SMAD2: variants seen among roughly 807,000 people sequenced by gnomAD.
SMAD2 encodes MAD homolog 2.
In SMAD2, 8 loss-of-function variants were observed where a neutral mutation model predicts 64.4. That is an observed-to-expected ratio of 0.12 (90% confidence interval 0.07 to 0.22). The LOEUF is 0.22. SMAD2 is among the 10% of genes least tolerant of loss of function. The probability of loss-of-function intolerance (pLI) is 1.00; values close to 1 mark genes in which losing one functional copy is unlikely to be tolerated. For missense variants in SMAD2, 289 were observed against 561.2 expected (o/e 0.51, Z 4.90); for synonymous variants, 203 against 195.8 (o/e 1.04, Z -0.31).
intron 1 of SMAD2, among the ~76,000 whole-genome samples, chr18:47,920,668 T>A (rs778959156): frequency 2.0e-5 from 3 of 152,260 alleles, no homozygotes; most frequent in Non-Finnish European, 2.9e-5. Context: ...TGTGCATGTG[T>A]TATTCGAAAA....
chr18:47,907,921 G>C (rs984390520), intron 1 of SMAD2, among the ~76,000 whole-genome samples: 1 of 152,210 alleles, frequency 6.6e-6, no homozygotes, highest in African/African-American at 2.4e-5. Context: ...CTGGGCGAGA[G>C]AGTGAGACTC....
chr18:47,911,491 C>A (rs995042747), intron 1 of SMAD2, among the ~76,000 whole-genome samples: 2 of 152,178 alleles, frequency 1.3e-5, no homozygotes, highest in African/African-American at 4.8e-5. Flanking sequence ...AGAGGCAACA[C>A]AGCATGCCAA....
At chr18:47,878,607 T>A (rs2032404295) in intron 2 of SMAD2, 1 of 152,088 alleles carries the variant, frequency 6.6e-6, no homozygotes, top group South Asian at 2.1e-4. Flanking sequence ...CCAGCCTGGG[T>A]AACCGTGAGA....
In SMAD2 at chr18:47,930,636, G is replaced by C. The variant is rs2034977641; in HGVS notation, c.-329C>G. Reference sequence around the variant, plus strand: ...AGGGAGCCTGGCCGCCGCCCGCGGGGAAGGAGGGGGTGAGGACGCGCGCGC... The same window carrying C: ...AGGGAGCCTGGCCGCCGCCCGCGGGCAAGGAGGGGGTGAGGACGCGCGCGC... On this transcript the variant is annotated 5_prime_UTR_variant, in exon 1 of 11. Coordinates refer to ENST00000262160, the MANE Select transcript of SMAD2 (RefSeq NM_005901.6). The C allele has an allele frequency of 6.7e-6, 1 of 149,838 alleles. No individual in the cohort carries two copies. The highest frequency in any genetic ancestry group is 1.5e-5 in the Non-Finnish European group (1 of 67,400). 9.3% of individuals were successfully genotyped at this position (149,838 alleles called of 1,614,324 possible).
At chr18:47,896,976 T>A (rs1245555630) in intron 1 of SMAD2, among the ~76,000 whole-genome samples, 167 bp from the exon 2 acceptor site, 1 of 152,308 alleles carries the variant, frequency 6.6e-6, no homozygotes, top group East Asian at 1.9e-4. Flanking sequence ...TTTAAATGAA[T>A]GATGGAAACA....
intron 2 of SMAD2, among the ~76,000 whole-genome samples, chr18:47,886,233 G>A (rs1465023085): frequency 3.3e-5 from 5 of 152,064 alleles, no homozygotes; most frequent in Non-Finnish European, 5.9e-5. Flanking sequence ...TTGACAATTA[G>A]CATCCCACAA....
At chr18:47,847,630 CAAA>C (rs34954783) in intron 8 of SMAD2, among the ~76,000 whole-genome samples, 10 of 92,856 alleles carry the variant, frequency 1.1e-4, no homozygotes, top group African/African-American at 1.5e-4. Context: ...ATTTCCAAAG[CAAA>C]AAAAAAAAAA....
chr18:47,874,033 A>G (rs1323908688), intron 2 of SMAD2, among the ~76,000 whole-genome samples: 1 of 152,184 alleles, frequency 6.6e-6, no homozygotes, highest in Non-Finnish European at 1.5e-5. Flanking sequence ...TTGCTCAAAG[A>G]TATTTTTTAA....
chr18:47,842,267 C>A (rs115472695), intron 10 of SMAD2, among the ~76,000 whole-genome samples: 1 of 152,116 alleles, frequency 6.6e-6, no homozygotes, highest in Non-Finnish European at 1.5e-5. Context: ...CAGGGCCAGG[C>A]GTGGTGGCTC....
In SMAD2 at chr18:47,834,209, C is replaced by T. The variant is rs1913191113; in HGVS notation, c.*7618G>A. On this transcript the variant is annotated 3_prime_UTR_variant, in exon 11 of 11. Transcript: ENST00000262160. Reference sequence around the variant, plus strand: ...GGGAAGTAAGGATAAATCACAAGAACACCTAAGGTGGTCAGCTCCTTCTGG... The same window carrying T: ...GGGAAGTAAGGATAAATCACAAGAATACCTAAGGTGGTCAGCTCCTTCTGG... 4.7e-6 allele frequency: 1 copy of T among 211,704 alleles called. No individual in the cohort carries two copies. The highest frequency in any genetic ancestry group is 9.6e-6 in the Non-Finnish European group (1 of 104,468). The allele number at this position is 211,704 out of a possible 1,614,324, so 13.1% of individuals were successfully genotyped here. A position where few individuals can be genotyped will look rare whatever the true frequency, so the allele number is the denominator to read the frequency against.
intron 2 of SMAD2, among the ~76,000 whole-genome samples, chr18:47,873,421 A>T (rs1404846209): frequency 1.3e-5 from 2 of 152,228 alleles, no homozygotes; most frequent in Non-Finnish European, 2.9e-5. Flanking sequence ...TCTCAATAAA[A>T]ATAAATGTTT....
chr18:47,922,685 CAAT>C (rs2034610347), intron 1 of SMAD2: 1 of 152,156 alleles, frequency 6.6e-6, no homozygotes, highest in South Asian at 2.1e-4. Context: ...ACAGCAGCAT[CAAT>C]GACCTGGAAT....
At position 47,820,869 on chromosome 18, in the gene SMAD2, G is replaced by A. The variant is rs116611514; in HGVS notation, c.*20958C>T. The A allele has an allele frequency of 6.8e-6, 1 of 147,810 alleles. No homozygotes were observed. Among genetic ancestry groups the A allele is most frequent in the South Asian group, 2.1e-4 (1 of 4,738 alleles). 9.2% of individuals were successfully genotyped at this position (147,810 alleles called of 1,614,324 possible). ...ATATGCTATATATTTGTATATACAC[G>A]ATAGTGTAAATGCTATACATGCACT... is the stretch of plus-strand genomic sequence containing the variant. On this transcript the variant is annotated 3_prime_UTR_variant, in exon 11 of 11. Transcript: ENST00000262160.
chr18:47,916,995 T>C (rs1410455295), intron 1 of SMAD2, among the ~76,000 whole-genome samples: 1 of 152,192 alleles, frequency 6.6e-6, no homozygotes, highest in Non-Finnish European at 1.5e-5. Context: ...TTGTTGTCGT[T>C]GTTGAGACAG....
intron 1 of SMAD2, among the ~76,000 whole-genome samples, chr18:47,925,057 C>A (rs192463599): frequency 1.3e-5 from 2 of 152,252 alleles, no homozygotes; most frequent in Admixed American, 1.3e-4. Flanking sequence ...AACTACATCC[C>A]CCTTCCCCAC....
chr18:47,886,967 T>C (rs6507788), intron 2 of SMAD2: 2,850 of 152,794 alleles, frequency 0.019, 102 homozygotes, highest in African/African-American at 0.065. Flanking sequence ...ATGGCATGTA[T>C]TTCACGTAGA....
intron 1 of SMAD2, among the ~76,000 whole-genome samples, chr18:47,923,950 G>A (rs1417576764): frequency 6.6e-6 from 1 of 152,102 alleles, no homozygotes; most frequent in Non-Finnish European, 1.5e-5. Flanking sequence ...CTAACTACCT[G>A]TCTATTAAGA....
rs1363613745 is a variant in SMAD2, at chr18:47,833,655, G to A, written c.*8172C>T. ...CTTATGAGTATGAGGCTACAATTGA[G>A]AGAAACTGCTCAGTCTGCATCAGGA... On this transcript the variant is annotated 3_prime_UTR_variant, in exon 11 of 11. Coordinates refer to ENST00000262160, the MANE Select transcript of SMAD2 (RefSeq NM_005901.6). 4.3e-6 allele frequency: 1 copy of A among 230,856 alleles called. No homozygotes were observed. Among genetic ancestry groups the A allele is most frequent in the Non-Finnish European group, 8.6e-6 (1 of 116,596 alleles). The allele number at this position is 230,856 out of a possible 1,614,324, so 14.3% of individuals were successfully genotyped here. A position where few individuals can be genotyped will look rare whatever the true frequency, so the allele number is the denominator to read the frequency against.
intron 6 of SMAD2, among the ~76,000 whole-genome samples, chr18:47,863,271 T>A (rs2031321428): frequency 6.6e-6 from 1 of 151,812 alleles, no homozygotes; most frequent in African/African-American, 2.4e-5. Flanking sequence ...CCAAACTAAC[T>A]GTTGGCATCT....
Sources: allele counts gnomAD v4.1 joint callset (sites outside exome capture counted in the v4.1 genomes callset), GRCh38; gene constraint gnomAD v4.1.1; transcripts MANE v1.5; gene names NCBI Gene and HGNC (gene_info 2026-07-23, HGNC 2026-07-21).